Variants in CHCHD6 observed in about 807,000 individuals in gnomAD.
CHCHD6 encodes the protein MICOS complex subunit MIC25.
Under a neutral mutation model 32.3 loss-of-function variants are expected in CHCHD6, and 28 were observed. The observed-to-expected ratio is 0.87, with a 90% CI of 0.64 to 1.19. CHCHD6 has a LOEUF of 1.19. Among genes scored for constraint, CHCHD6 ranks in the 50% most tolerant of loss-of-function variants. The pLI is 0.00. For missense variants in CHCHD6, 333 were observed against 307.0 expected, an observed-to-expected ratio of 1.08 and a Z score of -0.63; for synonymous variants, 122 against 117.5, an observed-to-expected ratio of 1.04 and a Z score of -0.25.
intron 6 of CHCHD6, among the ~76,000 whole-genome samples, chr3:126,943,785 A>G (rs1234955712): frequency 1.3e-5 from 2 of 152,184 alleles, no homozygotes; most frequent in Non-Finnish European, 2.9e-5. Flanking sequence ...TGCTCGAGGA[A>G]GACAGTAGAG....
chr3:126,942,635 G>T (rs564595822), intron 6 of CHCHD6, among the ~76,000 whole-genome samples: 1 of 152,142 alleles, frequency 6.6e-6, no homozygotes, highest in South Asian at 2.1e-4. Context: ...ACTTTCTAGC[G>T]CAAGGTGTTC....
At chr3:126,862,114 A>T (rs1483643185) in intron 5 of CHCHD6, among the ~76,000 whole-genome samples, 19 of 26,694 alleles carry the variant, frequency 7.1e-4, no homozygotes, top group South Asian at 2.4e-3. Context: ...CTTCCCCTCT[A>T]CCACCATCAC....
At chr3:126,722,414 C>T (rs148591499) in intron 1 of CHCHD6, among the ~76,000 whole-genome samples, 1,818 of 152,292 alleles carry the variant, frequency 0.012, 18 homozygotes, top group Middle Eastern at 0.048. Flanking sequence ...CCTTTTGCCT[C>T]GGCCCTCCAA....
intron 5 of CHCHD6, among the ~76,000 whole-genome samples, chr3:126,877,554 CAA>C (rs148963842): frequency 1.5e-5 from 2 of 130,002 alleles, no homozygotes; most frequent in Admixed American, 7.8e-5. Flanking sequence ...GACTCCATCT[CAA>C]AAAAAAAAAA....
chr3:126,726,641 C>T (rs1448497194), intron 1 of CHCHD6, among the ~76,000 whole-genome samples: 1 of 152,176 alleles, frequency 6.6e-6, no homozygotes, highest in African/African-American at 2.4e-5. Flanking sequence ...TGTCGAGGAG[C>T]AGCCTTCCCT....
intron 5 of CHCHD6, 139 bp downstream of exon 5, chr3:126,852,869 G>T (rs904539087): frequency 6.4e-6 from 4 of 625,980 alleles, no homozygotes; most frequent in Admixed American, 4.8e-5. Flanking sequence ...CCTTGGACAT[G>T]CCCTCCTGCA....
chr3:126,730,170 CA>C (rs1161215688), intron 2 of CHCHD6, among the ~76,000 whole-genome samples: 1 of 152,160 alleles, frequency 6.6e-6, no homozygotes, highest in Non-Finnish European at 1.5e-5. Context: ...TTCCCTATGC[CA>C]AAACCTCTAC....
intron 4 of CHCHD6, among the ~76,000 whole-genome samples, chr3:126,831,117 G>A (rs1024978755): frequency 7.9e-5 from 12 of 151,700 alleles, no homozygotes; most frequent in Non-Finnish European, 1.6e-4. Context: ...TCCACCTCCC[G>A]GGTTCACGCC....
chr3:126,730,758 G>C, intron 3 of CHCHD6, 128 bp downstream of exon 3: 1 of 699,404 alleles, frequency 1.4e-6, no homozygotes, highest in East Asian at 2.6e-5. Context: ...CAGTTGCATT[G>C]AAGGACAACC....
At chr3:126,749,985 C>T (rs189524791) in intron 4 of CHCHD6, among the ~76,000 whole-genome samples, 3 of 152,278 alleles carry the variant, frequency 2.0e-5, no homozygotes, top group African/African-American at 4.8e-5. Flanking sequence ...CACCTTGGCC[C>T]GACGTCTGTT....
chr3:126,713,287 G>C (rs1033087285), intron 1 of CHCHD6, among the ~76,000 whole-genome samples: 1 of 152,186 alleles, frequency 6.6e-6, no homozygotes, highest in Non-Finnish European at 1.5e-5. Flanking sequence ...TGTTTTGTCA[G>C]TCCTGCTCCC....
rs777432367 is a variant in CHCHD6 at position 126,960,206 on chromosome 3, C to G, written c.*5C>G. 8.1e-5 allele frequency: 126 copies of G among 1,551,338 alleles called. No homozygotes were observed. The highest frequency in any genetic ancestry group is 1.7e-5 in the Non-Finnish European group (20 of 1,146,866). ...CTGTTCTCTTTGTAGGGCTGAGGAG[C>G]AGACATCATTCCCTGCCCTGGCAGT... On this transcript the variant is annotated 3_prime_UTR_variant, in exon 8 of 8. Transcript: ENST00000290913.
intron 5 of CHCHD6, among the ~76,000 whole-genome samples, chr3:126,860,527 A>G (rs1024285089): frequency 3.0e-4 from 46 of 152,162 alleles, no homozygotes; most frequent in African/African-American, 1.0e-3. Context: ...GCACACCAAC[A>G]TGGCACATGT....
At chr3:126,882,658 G>A (rs1005106184) in intron 5 of CHCHD6, among the ~76,000 whole-genome samples, 1 of 152,288 alleles carries the variant, frequency 6.6e-6, no homozygotes, top group South Asian at 2.1e-4. Flanking sequence ...AGGAAGCAAA[G>A]TTACCTCCAC....
intron 4 of CHCHD6, among the ~76,000 whole-genome samples, chr3:126,772,230 T>C (rs532402249): frequency 6.6e-6 from 1 of 152,212 alleles, no homozygotes; most frequent in African/African-American, 2.4e-5. Flanking sequence ...GCCTCCCGAG[T>C]AGCTGGGACT....
chr3:126,725,374 G>A (rs141779656), intron 1 of CHCHD6, among the ~76,000 whole-genome samples: 2 of 152,290 alleles, frequency 1.3e-5, no homozygotes, highest in East Asian at 1.9e-4. Flanking sequence ...TGAGCAGTAG[G>A]TCTCAACAGT....
intron 4 of CHCHD6, among the ~76,000 whole-genome samples, chr3:126,759,984 TGAGAACAG>T (rs1318436670): frequency 5.3e-5 from 8 of 152,106 alleles, no homozygotes; most frequent in African/African-American, 1.9e-4. Flanking sequence ...TCTCACATGG[TGAGAACAG>T]GAGCAAGGAC....
intron 5 of CHCHD6, among the ~76,000 whole-genome samples, chr3:126,853,278 A>G (rs1941542748): frequency 1.3e-5 from 2 of 149,700 alleles, no homozygotes; most frequent in South Asian, 4.2e-4. Context: ...AAAAACCCCT[A>G]CCACGACTCT....
intron 6 of CHCHD6, among the ~76,000 whole-genome samples, chr3:126,940,605 A>T (rs2078546257): frequency 6.6e-6 from 1 of 152,212 alleles, no homozygotes; most frequent in African/African-American, 2.4e-5. Flanking sequence ...ATATGCATAC[A>T]GGTTTATATG....
Sources: allele counts gnomAD v4.1 joint callset (sites outside exome capture counted in the v4.1 genomes callset), GRCh38; gene constraint gnomAD v4.1.1; transcripts MANE v1.5; gene names NCBI Gene and HGNC (gene_info 2026-07-23, HGNC 2026-07-21).